Variants in NCAM1 observed in about 807,000 individuals in gnomAD.
The protein encoded by NCAM1 is neural cell adhesion molecule 1.
Under a neutral mutation model 109.8 loss-of-function variants are expected in NCAM1, and 14 were observed. That is an observed-to-expected ratio of 0.13 (90% CI 0.08 to 0.20). NCAM1 has a LOEUF of 0.20. Ranked by LOEUF, NCAM1 falls within the 10% of genes least tolerant of loss-of-function variation. The probability of loss-of-function intolerance (pLI) is 1.00; values close to 1 mark genes in which losing one functional copy is unlikely to be tolerated. For synonymous variants in NCAM1, 418 were observed against 442.9 expected (o/e 0.94, Z 0.70); for missense variants, 774 against 1,109.9 (o/e 0.70, Z 4.30).
chr11:113,021,471 G>A (rs1952382707), intron 1 of NCAM1, among the ~76,000 whole-genome samples: 1 of 152,156 alleles, frequency 6.6e-6, no homozygotes, highest in Non-Finnish European at 1.5e-5. Context: ...TATAGTAGTT[G>A]GTATAGGAAA....
chr11:113,181,894 C>G (rs1943346813), intron 1 of NCAM1, among the ~76,000 whole-genome samples: 1 of 152,180 alleles, frequency 6.6e-6, no homozygotes, highest in Admixed American at 6.5e-5. Context: ...AATGAGACCA[C>G]TTAGCCACTT....
intron 17 of NCAM1, among the ~76,000 whole-genome samples, chr11:113,266,861 G>C (rs1555124468): frequency 1.3e-5 from 2 of 152,218 alleles, no homozygotes; most frequent in African/African-American, 4.8e-5. Flanking sequence ...CCGTGTGCCA[G>C]GCAGTGTAGA....
chr11:113,128,456 T>A (rs1941264631), intron 1 of NCAM1, among the ~76,000 whole-genome samples: 1 of 152,212 alleles, frequency 6.6e-6, no homozygotes, highest in African/African-American at 2.4e-5. Context: ...GGTAAATGGT[T>A]CCTCCCCTCC....
chr11:113,242,292 CTCTTTTAAATATGTATATTAAGAG>C (rs1335752575), intron 14 of NCAM1, among the ~76,000 whole-genome samples: 18 of 152,188 alleles, frequency 1.2e-4, no homozygotes, highest in Non-Finnish European at 2.2e-4. Context: ...CTCTGATCAT[CTCTTTTAAATATGTATATTAAGAG>C]TCTTTTAAAT....
At chr11:113,210,775 A>AACACACACACACACAC (rs35387760) in intron 7 of NCAM1, among the ~76,000 whole-genome samples, 236 of 130,974 alleles carry the variant, frequency 1.8e-3, no homozygotes, top group East Asian at 0.018. Context: ...CTTCATCACA[A>AACACACACACACACAC]ACACACACAC....
In NCAM1 at chr11:113,068,344, G is replaced by A. The variant is rs146695745; in HGVS notation, c.52+106680G>A. 1.2e-3 allele frequency among the ~76,000 whole-genome samples: 186 copies of A among 152,218 alleles called. 1 individual carries two copies. The highest frequency in any genetic ancestry group is 4.1e-3 in the African/African-American group (171 of 41,520). On this transcript the variant is annotated intron_variant, in intron 1 of 19. Transcript: ENST00000316851. ...TAGGGAAGCCCTGTGATTAAGCATCGGTTTCCTCGGCTTTTGGGTGGGTAT... is the reference window on the plus strand; with the variant it reads ...TAGGGAAGCCCTGTGATTAAGCATCAGTTTCCTCGGCTTTTGGGTGGGTAT...
chr11:113,115,439 G>A (rs1302377855), intron 1 of NCAM1, among the ~76,000 whole-genome samples: 2 of 152,142 alleles, frequency 1.3e-5, no homozygotes, highest in African/African-American at 4.8e-5. Flanking sequence ...ATTGCCATCA[G>A]TTTTAGTTTT....
chr11:113,124,217 G>T (rs1191616774), intron 1 of NCAM1, among the ~76,000 whole-genome samples: 1 of 152,240 alleles, frequency 6.6e-6, no homozygotes, highest in Non-Finnish European at 1.5e-5. Context: ...TCTAGACTGA[G>T]AAGGAGGAAG....
rs781964709 is a variant in NCAM1 at position 113,231,820 on chromosome 11, T to TG, written c.1240+30dup. The TG allele has an allele frequency of 5.6e-6, 9 of 1,613,202 alleles. No individual in the cohort carries two copies. The African/African-American group carries it at 1.1e-4, about 19-fold the overall frequency. On this transcript the variant is annotated intron_variant, in intron 10 of 19. Transcript: ENST00000316851. ...TGTAAGGAATAAATGGGGAAGGACC[T>TG]GGGGGAGGGAGGGGCAAGGCAGGGT...
chr11:113,037,824 G>A (rs554849145), intron 1 of NCAM1, among the ~76,000 whole-genome samples: 9 of 152,212 alleles, frequency 5.9e-5, no homozygotes, highest in African/African-American at 1.9e-4. Flanking sequence ...AGCCTCCTCC[G>A]TAGTCCTTAG....
At chr11:113,186,286 A>T (rs1430233787) in intron 1 of NCAM1, among the ~76,000 whole-genome samples, 1 of 152,098 alleles carries the variant, frequency 6.6e-6, no homozygotes, top group Non-Finnish European at 1.5e-5. Context: ...ATTCTCATAG[A>T]AGTGCGTGCG....
intron 1 of NCAM1, among the ~76,000 whole-genome samples, chr11:113,004,572 G>T (rs1443161461): frequency 2.6e-5 from 4 of 151,540 alleles, no homozygotes; most frequent in African/African-American, 9.7e-5. Context: ...TCATTTCCTT[G>T]TTCTCAGGCT....
At chr11:113,018,627 A>C (rs1555075715) in intron 1 of NCAM1, among the ~76,000 whole-genome samples, 6 of 152,188 alleles carry the variant, frequency 3.9e-5, no homozygotes, top group Non-Finnish European at 8.8e-5. Context: ...CAAGTCAGCC[A>C]CTGCATAATA....
chr11:113,198,836 G>C (rs1555111326), intron 1 of NCAM1, among the ~76,000 whole-genome samples: 1 of 152,122 alleles, frequency 6.6e-6, no homozygotes, highest in Non-Finnish European at 1.5e-5. Context: ...ATTAACTAAG[G>C]GACCCTGAGC....
At chr11:112,979,959 T>C (rs1469521476) in intron 1 of NCAM1, among the ~76,000 whole-genome samples, 1 of 151,702 alleles carries the variant, frequency 6.6e-6, no homozygotes, top group African/African-American at 2.4e-5. Flanking sequence ...CTTGACAAAA[T>C]GCGACACCCC....
chr11:112,993,955 T>C (rs1162379501), intron 1 of NCAM1, among the ~76,000 whole-genome samples: 1 of 152,228 alleles, frequency 6.6e-6, no homozygotes, highest in Non-Finnish European at 1.5e-5. Context: ...ATGATTCTTC[T>C]GCCTGTCTGC....
At chr11:113,242,328 T>C (rs1393663978) in intron 14 of NCAM1, among the ~76,000 whole-genome samples, 1 of 152,190 alleles carries the variant, frequency 6.6e-6, no homozygotes, top group Non-Finnish European at 1.5e-5. Context: ...CTTTTAAATA[T>C]GTATATTAAG....
intron 1 of NCAM1, among the ~76,000 whole-genome samples, chr11:113,011,267 C>T (rs1952044612): frequency 6.8e-6 from 1 of 147,140 alleles, no homozygotes; most frequent in Admixed American, 6.8e-5. Context: ...CCAATTTCAT[C>T]CATGTCCCTA....
At chr11:113,246,902 A>G (rs1203837194) in intron 15 of NCAM1, among the ~76,000 whole-genome samples, 6 of 152,226 alleles carry the variant, frequency 3.9e-5, no homozygotes, top group African/African-American at 1.2e-4. Flanking sequence ...GACTTTCTGA[A>G]ATAAGAGATT....
Sources: allele counts gnomAD v4.1 joint callset (sites outside exome capture counted in the v4.1 genomes callset), GRCh38; gene constraint gnomAD v4.1.1; transcripts MANE v1.5; gene names NCBI Gene and HGNC (gene_info 2026-07-23, HGNC 2026-07-21).